PRMT8: variants seen among roughly 807,000 people sequenced by gnomAD.
PRMT8 encodes the protein protein arginine methyltransferase 8, also known as protein arginine N-methyltransferase 8.
A neutral mutation model predicts 47.1 loss-of-function variants in PRMT8; 7 were observed. The observed-to-expected ratio is 0.15, with a 90% CI of 0.08 to 0.28. The LOEUF (loss-of-function observed/expected upper bound fraction) is 0.28. PRMT8 is among the 10% of genes least tolerant of loss of function. PRMT8 has a pLI of 1.00. For missense variants in PRMT8, 237 were observed against 505.4 expected (o/e 0.47, Z 5.09); for synonymous variants, 188 against 186.5 (o/e 1.01, Z -0.07).
In PRMT8 at chr12:3,498,796, C is replaced by T. The variant is rs557954092; in HGVS notation, c.75+7096C>T. ...GTAGTTTCATCACCTGTATTACCCT[C>T]CTAGGTCTGCTGTAATAAAGTACCA... On this transcript the variant is annotated intron_variant, in intron 1 of 9. Coordinates refer to ENST00000382622, the MANE Select transcript of PRMT8 (RefSeq NM_019854.5). Among the ~76,000 whole-genome samples, 18 of 152,318 alleles carry T rather than the reference C, an allele frequency of 1.2e-4. No individual in the cohort carries two copies. In the South Asian group the frequency reaches 3.1e-3, roughly 26 times the overall value.
At chr12:3,405,138 A>T (rs557864499) in intron 1 of PRMT8, among the ~76,000 whole-genome samples, 11 of 152,336 alleles carry the variant, frequency 7.2e-5, no homozygotes, top group African/African-American at 2.4e-4. Flanking sequence ...GCTTACAATC[A>T]TGGCAGAAGG....
At chr12:3,454,972 T>C (rs903276266) in intron 1 of PRMT8, among the ~76,000 whole-genome samples, 1 of 152,132 alleles carries the variant, frequency 6.6e-6, no homozygotes, top group Non-Finnish European at 1.5e-5. Flanking sequence ...AGAATGCAGT[T>C]TCTACATTCT....
At chr12:3,420,273 A>G (rs1398602617) in intron 1 of PRMT8, among the ~76,000 whole-genome samples, 2 of 152,004 alleles carry the variant, frequency 1.3e-5, no homozygotes, top group East Asian at 3.8e-4. Flanking sequence ...AACAAGTGGG[A>G]CATTTCTTAC....
At chr12:3,457,002 A>G (rs1864981444) in intron 1 of PRMT8, among the ~76,000 whole-genome samples, 1 of 152,224 alleles carries the variant, frequency 6.6e-6, no homozygotes, top group African/African-American at 2.4e-5. Context: ...GGAGAAATAG[A>G]GTTCCAGCGC....
intron 1 of PRMT8, among the ~76,000 whole-genome samples, chr12:3,507,039 A>G (rs774184960): frequency 1.1e-4 from 17 of 152,192 alleles, no homozygotes; most frequent in Non-Finnish European, 1.9e-4. Context: ...GCTGTTAACA[A>G]ATTCCTCAAT....
intron 4 of PRMT8, among the ~76,000 whole-genome samples, chr12:3,562,300 T>C (rs1866650484): frequency 6.6e-6 from 1 of 152,198 alleles, no homozygotes; most frequent in South Asian, 2.1e-4. Context: ...AAACAACCCA[T>C]TAATAATCTT....
chr12:3,542,824 G>A (rs551531976), intron 2 of PRMT8, among the ~76,000 whole-genome samples: 1 of 152,310 alleles, frequency 6.6e-6, no homozygotes, highest in East Asian at 1.9e-4. Flanking sequence ...TAATTCCTTT[G>A]GGACTTGGTG....
chr12:3,476,682 G>A (rs1865218516), intron 1 of PRMT8, among the ~76,000 whole-genome samples: 1 of 152,200 alleles, frequency 6.6e-6, no homozygotes, highest in African/African-American at 2.4e-5. Context: ...GTTCTCTTCA[G>A]GTTGGGCTAA....
chr12:3,468,087 A>G (rs1272714949), intron 1 of PRMT8, among the ~76,000 whole-genome samples: 1 of 152,236 alleles, frequency 6.6e-6, no homozygotes, highest in East Asian at 1.9e-4. Context: ...GTGTTGCACA[A>G]AGGAAGAATG....
At chr12:3,534,349 G>T (rs1489314914) in intron 1 of PRMT8, among the ~76,000 whole-genome samples, 1 of 152,214 alleles carries the variant, frequency 6.6e-6, no homozygotes, top group Admixed American at 6.5e-5. Flanking sequence ...GGTTCACTTT[G>T]GCTGCCTGGT....
chr12:3,505,883 C>T (rs888014335), intron 1 of PRMT8, among the ~76,000 whole-genome samples: 1 of 152,146 alleles, frequency 6.6e-6, no homozygotes, highest in Admixed American at 6.6e-5. Context: ...TAATAGGCTC[C>T]CTGGGTTAGA....
chr12:3,522,409 T>G (rs1865892950), intron 1 of PRMT8, among the ~76,000 whole-genome samples: 1 of 152,078 alleles, frequency 6.6e-6, no homozygotes, highest in African/African-American at 2.4e-5. Context: ...CTCACACCTG[T>G]AATCCCAGCT....
At position 3,576,762 on chromosome 12, in the gene PRMT8, C is replaced by T; in HGVS notation, c.713-109C>T. 1.3e-6 allele frequency: 1 copy of T among 786,404 alleles called. No homozygotes were observed. 48.7% of individuals were successfully genotyped at this position (786,404 alleles called of 1,614,324 possible). A position where few individuals can be genotyped will look rare whatever the true frequency, so the allele number is the denominator to read the frequency against. On this transcript the variant is annotated intron_variant, in intron 6 of 9. Transcript: ENST00000382622. This position sits in a 1 kb window ranked among gnomAD's most constrained non-coding sequence, Gnocchi z 4.0. ...CTGCCTCTATTTCGATGCAAGGGAACTCGAGCTGCCACTCAGCCCTCAGGC... is the reference window on the plus strand; with the variant it reads ...CTGCCTCTATTTCGATGCAAGGGAATTCGAGCTGCCACTCAGCCCTCAGGC...
At chr12:3,399,045 C>T in intron 1 of PRMT8, among the ~76,000 whole-genome samples, 1 of 152,168 alleles carries the variant, frequency 6.6e-6, no homozygotes. Context: ...TGACTCTGAA[C>T]AGCTAAGACT....
chr12:3,381,848 G>A (rs1864095083), intron 1 of PRMT8, among the ~76,000 whole-genome samples: 1 of 152,108 alleles, frequency 6.6e-6, no homozygotes, highest in African/African-American at 2.4e-5. Flanking sequence ...GCCCTTCATA[G>A]CCACGCCCAC....
chr12:3,478,324 C>G (rs1865239263), intron 1 of PRMT8, among the ~76,000 whole-genome samples: 1 of 152,156 alleles, frequency 6.6e-6, no homozygotes. Flanking sequence ...ACCTATCTAT[C>G]TGTCTGTCTA....
At chr12:3,412,115 A>G (rs1864436624) in intron 1 of PRMT8, among the ~76,000 whole-genome samples, 1 of 152,220 alleles carries the variant, frequency 6.6e-6, no homozygotes, top group African/African-American at 2.4e-5. Flanking sequence ...GCTATAACCG[A>G]CTGCACACCT....
In PRMT8 at chr12:3,492,072, G is replaced by T. The variant is rs796725957; in HGVS notation, c.75+372G>T. Among the ~76,000 whole-genome samples, 10 of 152,070 alleles carry T rather than the reference G, an allele frequency of 6.6e-5. No homozygotes were observed. Among genetic ancestry groups the T allele is most frequent in the African/African-American group, 2.4e-4 (10 of 41,482 alleles). On this transcript the variant is annotated intron_variant, in intron 1 of 9. Coordinates refer to ENST00000382622, the MANE Select transcript of PRMT8 (RefSeq NM_019854.5). The surrounding 1 kb of genome is among the most constrained non-coding windows in gnomAD (Gnocchi z 7.5). ...CTCTGGGCTCCGTGAGGGCTCCCGG[G>T]TCCCGGCTTTGTGCAGAGCTGGGGT...
intron 1 of PRMT8, among the ~76,000 whole-genome samples, chr12:3,498,159 G>A (rs1565423936): frequency 6.6e-6 from 1 of 152,194 alleles, no homozygotes; most frequent in Non-Finnish European, 1.5e-5. Flanking sequence ...GCAATGCTGT[G>A]AATTACATAT....
Sources: gnomAD v4.1 joint callset for allele counts (sites outside exome capture counted in the v4.1 genomes callset) on GRCh38, gnomAD v4.1.1 for gene constraint, Gnocchi (gnomAD v3.1) non-coding constraint, MANE v1.5 for transcripts, NCBI Gene and HGNC (gene_info 2026-07-23, HGNC 2026-07-21) for gene names.